The following SEC16B variants were observed in gnomAD, a reference collection of about 807,000 sequenced individuals.
SEC16B encodes SEC16 homolog B, endoplasmic reticulum export factor, also known as protein transport protein Sec16B.
In SEC16B, 115 loss-of-function variants were observed where a neutral mutation model predicts 141.8. That is an observed-to-expected ratio of 0.81 (90% CI 0.70 to 0.95). SEC16B has a LOEUF of 0.95. Ranked by LOEUF, SEC16B falls within the 40% of genes least tolerant of loss-of-function variation. The pLI is 0.00. For synonymous variants in SEC16B, 493 were observed against 492.5 expected (o/e 1.00, Z -0.01); for missense variants, 1,291 against 1,312.3 (o/e 0.98, Z 0.25).
chr1:177,965,802 T>G, intron 3 of SEC16B, 91 bp downstream of exon 3: 1 of 711,094 alleles, frequency 1.4e-6, no homozygotes, highest in Non-Finnish European at 2.4e-6. Context: ...AAGGTGAGGG[T>G]CTGAACATGG....
At chr1:177,941,803 T>A in intron 16 of SEC16B, 97 bp downstream of exon 16, 7 of 1,405,920 alleles carry the variant, frequency 5.0e-6, no homozygotes, top group Non-Finnish European at 6.8e-6. Context: ...TATGGCATGT[T>A]CAAAGAAGAT....
chr1:177,975,360 T>C (rs1654131326), intron 1 of SEC16B, among the ~76,000 whole-genome samples: 1 of 152,236 alleles, frequency 6.6e-6, no homozygotes, highest in African/African-American at 2.4e-5. Flanking sequence ...CAGCTTATAC[T>C]GTATGACTGT....
chr1:177,943,508 ATGT>A (rs1206281844), intron 15 of SEC16B, among the ~76,000 whole-genome samples: 23 of 152,208 alleles, frequency 1.5e-4, no homozygotes, highest in Non-Finnish European at 3.1e-4. Flanking sequence ...TTGTGTGTGC[ATGT>A]TGTTGTAATT....
At chr1:177,960,741 A>C (rs1289296727) in intron 7 of SEC16B, 50 bp downstream of exon 7, 2 of 1,539,434 alleles carry the variant, frequency 1.3e-6, no homozygotes, top group East Asian at 2.4e-5. Context: ...TGTTAGGAGT[A>C]GTTGGGTAAG....
At chr1:177,983,715 A>G (rs1164992620) in intron 1 of SEC16B, among the ~76,000 whole-genome samples, 1 of 152,184 alleles carries the variant, frequency 6.6e-6, no homozygotes, top group Non-Finnish European at 1.5e-5. Context: ...CCATCTATAT[A>G]GCTTGAGAGC....
At chr1:177,935,344 C>T (rs1435813577) in intron 20 of SEC16B, among the ~76,000 whole-genome samples, 2 of 152,002 alleles carry the variant, frequency 1.3e-5, no homozygotes, top group South Asian at 2.1e-4. Flanking sequence ...GAATGAATAG[C>T]GCTACTTTCA....
intron 1 of SEC16B, among the ~76,000 whole-genome samples, chr1:177,975,745 G>A (rs1343562552): frequency 6.6e-6 from 1 of 152,200 alleles, no homozygotes; most frequent in African/African-American, 2.4e-5. Flanking sequence ...CTGACTCCAA[G>A]AATGAATCAG....
At chr1:177,935,662 GA>G (rs60983376) in intron 20 of SEC16B, among the ~76,000 whole-genome samples, 38,599 of 141,248 alleles carry the variant, frequency 0.27, 5,180 homozygotes, top group African/African-American at 0.35. Flanking sequence ...CTTCAGTCAG[GA>G]AAAAAAAAAA....
chr1:177,983,597 G>A (rs1003160168), intron 1 of SEC16B, among the ~76,000 whole-genome samples: 2 of 151,800 alleles, frequency 1.3e-5, no homozygotes, highest in African/African-American at 2.4e-5. Context: ...CTCTAAACAC[G>A]ATTTCCAGGG....
intron 2 of SEC16B, 21 bp from the exon 3 acceptor site, chr1:177,966,026 C>A: frequency 6.9e-7 from 1 of 1,452,510 alleles, no homozygotes; most frequent in South Asian, 1.2e-5. Flanking sequence ...ACAAAGAAGA[C>A]TGGTCAGTTG....
At chr1:177,966,910 T>C (rs1327960804) in intron 2 of SEC16B, among the ~76,000 whole-genome samples, 1 of 152,128 alleles carries the variant, frequency 6.6e-6, no homozygotes, top group Non-Finnish European at 1.5e-5. Flanking sequence ...AGGGATAAAT[T>C]TCTTTATAAT....
chr1:177,961,577 T>A lies in SEC16B; in HGVS notation c.787+13A>T. 1 of 1,602,170 alleles carries A rather than the reference T, an allele frequency of 6.2e-7. No homozygotes were observed. ...CAGATTCAATCAACTCTTCTGATCA[T>A]TTTAGAACCCACCAGCCTGAACTGG... On this transcript the variant is annotated intron_variant, in intron 6 of 25. Transcript: ENST00000308284.
At chr1:177,933,996 A>ACC (rs1650653243) in intron 20 of SEC16B, among the ~76,000 whole-genome samples, 1 of 146,882 alleles carries the variant, frequency 6.8e-6, no homozygotes, top group Non-Finnish European at 1.5e-5. Flanking sequence ...AGCTCCCCCC[A>ACC]AAAAAAAAAA....
At chr1:177,968,669 G>A (rs1463768371) in intron 1 of SEC16B, among the ~76,000 whole-genome samples, 1 of 152,198 alleles carries the variant, frequency 6.6e-6, no homozygotes, top group Non-Finnish European at 1.5e-5. Context: ...AGTGGCTGAA[G>A]ATGTTTATTA....
At chr1:177,940,474 G>T in intron 17 of SEC16B, 136 bp downstream of exon 17, 1 of 608,862 alleles carries the variant, frequency 1.6e-6, no homozygotes. Flanking sequence ...GTGCCTCATG[G>T]GTGATGGGAG....
chr1:177,953,468 G>A (rs1276474765), intron 11 of SEC16B, among the ~76,000 whole-genome samples: 1 of 152,160 alleles, frequency 6.6e-6, no homozygotes, highest in Non-Finnish European at 1.5e-5. Context: ...CCCCTTAAAG[G>A]AGGGTCCCTC....
chr1:177,969,618 A>C (rs575109225), intron 1 of SEC16B, among the ~76,000 whole-genome samples: 1 of 152,306 alleles, frequency 6.6e-6, no homozygotes, highest in Admixed American at 6.5e-5. Flanking sequence ...AAGGTGCAAC[A>C]CCCAATCTTT....
chr1:177,940,129 G>A (rs56266013), intron 17 of SEC16B, among the ~76,000 whole-genome samples: 1 of 152,184 alleles, frequency 6.6e-6, no homozygotes, highest in Non-Finnish European at 1.5e-5. Context: ...ATGGGAAAAA[G>A]AAAATGGAGG....
chr1:177,965,016 AT>A (rs1653399022), intron 4 of SEC16B, 30 bp downstream of exon 4: 4 of 1,610,136 alleles, frequency 2.5e-6, no homozygotes, highest in Non-Finnish European at 3.4e-6. Flanking sequence ...TGACAACATC[AT>A]GTCAAACTGG....
Sources: gnomAD v4.1 joint callset for allele counts (sites outside exome capture counted in the v4.1 genomes callset) on GRCh38, gnomAD v4.1.1 for gene constraint, MANE v1.5 for transcripts, NCBI Gene and HGNC (gene_info 2026-07-23, HGNC 2026-07-21) for gene names.